Variants in PIGL observed in about 807,000 individuals in gnomAD.
The protein encoded by PIGL is N-acetylglucosaminyl-phosphatidylinositol de-N-acetylase.
PIGL carries 22 observed loss-of-function variants against 31.1 expected under a neutral mutation model. That is an observed-to-expected ratio of 0.71 (90% CI 0.51 to 1.01). The LOEUF (loss-of-function observed/expected upper bound fraction) is 1.01. PIGL is among the 50% of genes least tolerant of loss of function. The pLI is 0.00. For missense variants in PIGL, 302 were observed against 315.9 expected (o/e 0.96, Z 0.33); for synonymous variants, 131 against 117.4 (o/e 1.12, Z -0.75).
chr17:16,282,464 A>G (rs1253208354), intron 2 of PIGL, among the ~76,000 whole-genome samples: 1 of 152,150 alleles, frequency 6.6e-6, no homozygotes. Flanking sequence ...CTAATTTTAC[A>G]TACCCTAAAC....
intron 2 of PIGL, among the ~76,000 whole-genome samples, chr17:16,243,953 G>A (rs1280197172): frequency 6.6e-6 from 1 of 152,202 alleles, no homozygotes; most frequent in African/African-American, 2.4e-5. Context: ...AATGTGGTGG[G>A]TGGGGCGAAG....
chr17:16,271,636 A>G (rs2092873153), intron 2 of PIGL, among the ~76,000 whole-genome samples: 1 of 151,854 alleles, frequency 6.6e-6, no homozygotes, highest in Non-Finnish European at 1.5e-5. Context: ...GGTTCAAGCA[A>G]TTCTTCTGCC....
intron 3 of PIGL, among the ~76,000 whole-genome samples, chr17:16,310,728 T>C (rs868690728): frequency 6.6e-5 from 10 of 152,234 alleles, no homozygotes; most frequent in African/African-American, 2.4e-4. Context: ...GTAGAGAGGG[T>C]TTCGCCATGT....
At chr17:16,242,526 T>G (rs1054570431) in intron 2 of PIGL, among the ~76,000 whole-genome samples, 1 of 152,116 alleles carries the variant, frequency 6.6e-6, no homozygotes, top group African/African-American at 2.4e-5. Context: ...ACTTTGAAAC[T>G]TCTGTAAAAA....
Position 16,280,545 on chromosome 17 carries a change from T to C in PIGL, c.336-19343T>C, listed in dbSNP as rs143753265. 4.5e-3 allele frequency among the ~76,000 whole-genome samples: 681 copies of C among 152,316 alleles called. 8 individuals are homozygous for C. The highest frequency in any genetic ancestry group is 0.015 in the African/African-American group (637 of 41,570). ...TCACAGCAAAATTGAGCAGAAGTTATAGCCCTTGCCCCACGCATGCACAGC... is the reference window on the plus strand; with the variant it reads ...TCACAGCAAAATTGAGCAGAAGTTACAGCCCTTGCCCCACGCATGCACAGC... On this transcript the variant is annotated intron_variant, in intron 2 of 6. Transcript: ENST00000225609.
chr17:16,246,670 G>GTGTTTTTTTTTTTTTT (rs1284256034), intron 2 of PIGL, among the ~76,000 whole-genome samples: 1 of 106,536 alleles, frequency 9.4e-6, no homozygotes, highest in Non-Finnish European at 2.0e-5. Context: ...CCAGATCAAG[G>GTGTTTTTTTTTTTTTT]TCTTTTTTTT....
intron 2 of PIGL, among the ~76,000 whole-genome samples, chr17:16,246,130 C>G (rs1251023456): frequency 6.6e-6 from 1 of 151,714 alleles, no homozygotes; most frequent in Non-Finnish European, 1.5e-5. Flanking sequence ...GTCATGGCAC[C>G]TATATTTTTT....
At chr17:16,286,263 C>A (rs896206145) in intron 2 of PIGL, among the ~76,000 whole-genome samples, 11 of 152,242 alleles carry the variant, frequency 7.2e-5, no homozygotes, top group African/African-American at 2.7e-4. Flanking sequence ...TAAGCTGTTA[C>A]CCAACCCTGC....
chr17:16,266,745 G>A (rs1252977461), intron 2 of PIGL, among the ~76,000 whole-genome samples: 2 of 151,852 alleles, frequency 1.3e-5, no homozygotes, highest in Non-Finnish European at 2.9e-5. Flanking sequence ...ACAGGCGCCC[G>A]CCACCATGCC....
At chr17:16,319,755 C>CAA (rs56080514) in intron 6 of PIGL, among the ~76,000 whole-genome samples, 3 of 78,746 alleles carry the variant, frequency 3.8e-5, no homozygotes, top group Non-Finnish European at 5.3e-5. Flanking sequence ...ACTCCGTCTC[C>CAA]AAAAAAAAAA....
intron 2 of PIGL, among the ~76,000 whole-genome samples, chr17:16,297,366 C>T (rs1025766771): frequency 5.9e-5 from 9 of 152,264 alleles, no homozygotes; most frequent in Admixed American, 1.3e-4. Context: ...TGAACTTCCC[C>T]CTCTTTGAGG....
chr17:16,259,557 CCCTCACA>C (rs1170013038), intron 2 of PIGL, among the ~76,000 whole-genome samples: 1 of 152,126 alleles, frequency 6.6e-6, no homozygotes, highest in East Asian at 1.9e-4. Context: ...CTGGACTCCT[CCCTCACA>C]CCACACACAA....
intron 3 of PIGL, among the ~76,000 whole-genome samples, chr17:16,307,963 CAAAA>C (rs200906989): frequency 3.2e-5 from 2 of 62,562 alleles, no homozygotes; most frequent in Non-Finnish European, 3.5e-5. Context: ...GACCTTGTCT[CAAAA>C]AAAAAAAAAA....
At chr17:16,270,929 C>T (rs2092869277) in intron 2 of PIGL, among the ~76,000 whole-genome samples, 1 of 151,870 alleles carries the variant, frequency 6.6e-6, no homozygotes, top group South Asian at 2.1e-4. Context: ...AGTCATGATC[C>T]CTCCCTTGGA....
intron 1 of PIGL, among the ~76,000 whole-genome samples, chr17:16,226,003 G>GAA (rs59842953): frequency 2.0e-4 from 26 of 129,470 alleles, no homozygotes; most frequent in Admixed American, 1.4e-3. Context: ...GCCAGACCAG[G>GAA]AAAAAAAAAA....
At chr17:16,233,836 A>T in intron 1 of PIGL, 135 bp from the exon 2 acceptor site, 2 of 570,398 alleles carry the variant, frequency 3.5e-6, no homozygotes, top group Non-Finnish European at 3.1e-6. Context: ...TGTTTTCTTA[A>T]ACTTTGTATC....
At chr17:16,290,312 A>C (rs2092955117) in intron 2 of PIGL, among the ~76,000 whole-genome samples, 1 of 151,620 alleles carries the variant, frequency 6.6e-6, no homozygotes, top group Non-Finnish European at 1.5e-5. Flanking sequence ...CGAGCTCTTG[A>C]CCTCAAGTGA....
chr17:16,271,609 G>A (rs1010573451), intron 2 of PIGL, among the ~76,000 whole-genome samples: 5 of 151,018 alleles, frequency 3.3e-5, no homozygotes, highest in African/African-American at 9.8e-5. Flanking sequence ...TTGGCTTACC[G>A]CAACCTCCAC....
intron 2 of PIGL, among the ~76,000 whole-genome samples, chr17:16,266,236 G>T (rs889570311): frequency 6.6e-6 from 1 of 151,654 alleles, no homozygotes; most frequent in Non-Finnish European, 1.5e-5. Context: ...CCAACATGGT[G>T]AAAACCCATC....
Sources: allele counts gnomAD v4.1 joint callset (sites outside exome capture counted in the v4.1 genomes callset), GRCh38; gene constraint gnomAD v4.1.1; transcripts MANE v1.5; gene names NCBI Gene and HGNC (gene_info 2026-07-23, HGNC 2026-07-21).